Variants in POLE2 observed in about 807,000 individuals in gnomAD.
The protein encoded by POLE2 is DNA polymerase epsilon subunit 2.
Under a neutral mutation model 79.4 loss-of-function variants are expected in POLE2, and 56 were observed. That is an observed-to-expected ratio of 0.71 (90% CI 0.57 to 0.88). The LOEUF is 0.88. POLE2 is among the 40% of genes least tolerant of loss of function. The pLI is 0.00. For missense variants in POLE2, 598 were observed against 638.9 expected, an observed-to-expected ratio of 0.94 and a Z score of 0.69; for synonymous variants, 212 against 214.0, an observed-to-expected ratio of 0.99 and a Z score of 0.08.
At chr14:49,687,113 G>C (rs765820645) in intron 1 of POLE2, among the ~76,000 whole-genome samples, 3 of 151,764 alleles carry the variant, frequency 2.0e-5, no homozygotes, top group Non-Finnish European at 4.4e-5. Flanking sequence ...GCCAGACCCC[G>C]TCTCTAAAAA....
At chr14:49,667,552 CTTT>C (rs34430638) in intron 6 of POLE2, among the ~76,000 whole-genome samples, 3 of 141,406 alleles carry the variant, frequency 2.1e-5, no homozygotes, top group Non-Finnish European at 3.1e-5. Context: ...CAGATAGAAA[CTTT>C]TTTTTTTTTT....
chr14:49,661,509 G>A (rs1885097496), intron 10 of POLE2, among the ~76,000 whole-genome samples: 1 of 152,068 alleles, frequency 6.6e-6, no homozygotes, highest in African/African-American at 2.4e-5. Context: ...GCTAAATATT[G>A]AGAAATTAAA....
At chr14:49,662,437 C>T (rs1007681523) in intron 10 of POLE2, among the ~76,000 whole-genome samples, 2 of 152,170 alleles carry the variant, frequency 1.3e-5, no homozygotes, top group African/African-American at 2.4e-5. Context: ...GAAATCATCA[C>T]CATTATACAG....
At chr14:49,667,722 T>A (rs1307421985) in intron 6 of POLE2, among the ~76,000 whole-genome samples, 2 of 152,074 alleles carry the variant, frequency 1.3e-5, no homozygotes, top group Non-Finnish European at 2.9e-5. Context: ...AGATAATAAC[T>A]GTTGAATAAA....
rs145037095 is a variant in POLE2 at position 49,663,128 on chromosome 14, T to A, written c.755+187A>T. 3.5e-3 allele frequency among the ~76,000 whole-genome samples: 532 copies of A among 152,356 alleles called. 6 individuals are homozygous for A. The highest frequency in any genetic ancestry group is 6.4e-3 in the South Asian group (31 of 4,828). Reference sequence around the variant, plus strand: ...ACAAAGACGGTATTGCAACTAATTGTTGGCCAATCTGCTAGTTTTCACATT... The same window carrying A: ...ACAAAGACGGTATTGCAACTAATTGATGGCCAATCTGCTAGTTTTCACATT... On this transcript the variant is annotated intron_variant, in intron 10 of 18. Transcript: ENST00000216367.
chr14:49,677,750 C>T, intron 3 of POLE2: 4 of 1,335,298 alleles, frequency 3.0e-6, no homozygotes, highest in Non-Finnish European at 4.0e-6. Context: ...CCCACAAAGC[C>T]CCACGCATTC....
intron 10 of POLE2, 150 bp downstream of exon 10, chr14:49,663,165 C>T: frequency 2.6e-6 from 1 of 388,728 alleles, no homozygotes; most frequent in Non-Finnish European, 4.7e-6. Flanking sequence ...CATACAAAAC[C>T]CAGTCTTCTA....
At chr14:49,676,597 A>G (rs1335800319) in intron 3 of POLE2, among the ~76,000 whole-genome samples, 2 of 152,362 alleles carry the variant, frequency 1.3e-5, no homozygotes, top group Admixed American at 1.3e-4. Flanking sequence ...ACATATAAAC[A>G]GCCTGACAGA....
intron 17 of POLE2, among the ~76,000 whole-genome samples, chr14:49,649,433 A>C (rs1341687643): frequency 1.3e-5 from 2 of 148,272 alleles, no homozygotes; most frequent in East Asian, 2.0e-4. Flanking sequence ...GGCGTGAGCC[A>C]CCACACCCGG....
chr14:49,684,942 A>T (rs948587512), intron 1 of POLE2, among the ~76,000 whole-genome samples: 1 of 152,098 alleles, frequency 6.6e-6, no homozygotes. Flanking sequence ...GGGCCACTAC[A>T]CTCCAGCCTG....
intron 3 of POLE2, among the ~76,000 whole-genome samples, chr14:49,677,029 A>G (rs1192999624): frequency 6.6e-6 from 1 of 152,222 alleles, no homozygotes; most frequent in East Asian, 1.9e-4. Context: ...GTCATCATTG[A>G]CAATAGCTAT....
intron 3 of POLE2, among the ~76,000 whole-genome samples, chr14:49,677,141 C>T (rs916556264): frequency 6.6e-6 from 1 of 152,212 alleles, no homozygotes; most frequent in Admixed American, 6.5e-5. Context: ...TCCTGTGTCA[C>T]GAGCAGCAGG....
At chr14:49,676,945 A>G (rs577778967) in intron 3 of POLE2, among the ~76,000 whole-genome samples, 51 of 152,368 alleles carry the variant, frequency 3.3e-4, no homozygotes, top group African/African-American at 1.2e-3. Flanking sequence ...GCCCTTTGGC[A>G]GCCTCAGACA....
intron 10 of POLE2, among the ~76,000 whole-genome samples, chr14:49,657,978 G>T (rs1884819948): frequency 6.6e-6 from 1 of 152,090 alleles, no homozygotes; most frequent in Non-Finnish European, 1.5e-5. Flanking sequence ...TGCCAGAGGT[G>T]AGATTCAAAT....
At chr14:49,669,469 C>T (rs1594595108) in intron 6 of POLE2, 55 bp downstream of exon 6, 2 of 853,668 alleles carry the variant, frequency 2.3e-6, no homozygotes, top group Non-Finnish European at 3.9e-6. Flanking sequence ...AATTAAGCAA[C>T]AAATATTAAA....
In POLE2 at chr14:49,684,276, C is replaced by T. The variant is rs577117063; in HGVS notation, c.69-583G>A. On this transcript the variant is annotated intron_variant, in intron 1 of 18. Coordinates refer to ENST00000216367, the MANE Select transcript of POLE2 (RefSeq NM_002692.4). ...AGGAGATCAAGACCATTCTGGCTAA[C>T]ACACGATGAAACCCCGTCTCTACTA... 5.9e-5 allele frequency among the ~76,000 whole-genome samples: 9 copies of T among 151,858 alleles called. No individual in the cohort carries two copies. The South Asian group carries it at 1.9e-3, about 32-fold the overall frequency.
At position 49,686,163 on chromosome 14, in the gene POLE2, G is replaced by T. The variant is rs1371094693; in HGVS notation, c.68+1973C>A. On this transcript the variant is annotated intron_variant, in intron 1 of 18. Transcript: ENST00000216367. ...GGTAGTTACACCTATGTAATCCCCT[G>T]CCCTTAAGTGTGGGCTGGACCTAGT... Among the ~76,000 whole-genome samples the T allele has an allele frequency of 2.6e-5, 4 of 152,204 alleles. No individual in the cohort carries two copies. The East Asian group carries it at 5.8e-4, about 22-fold the overall frequency.
chr14:49,670,801 C>T (rs1270634038), intron 5 of POLE2, among the ~76,000 whole-genome samples: 2 of 152,176 alleles, frequency 1.3e-5, no homozygotes. Flanking sequence ...ACAGATGCCT[C>T]CTGATATTGT....
At chr14:49,648,196 G>T (rs1327685780) in intron 17 of POLE2, among the ~76,000 whole-genome samples, 1 of 152,206 alleles carries the variant, frequency 6.6e-6, no homozygotes, top group Non-Finnish European at 1.5e-5. Flanking sequence ...CTGAGCAGAG[G>T]CCCTGTCTTT....
Sources: allele counts gnomAD v4.1 joint callset (sites outside exome capture counted in the v4.1 genomes callset), GRCh38; gene constraint gnomAD v4.1.1; transcripts MANE v1.5; gene names NCBI Gene and HGNC (gene_info 2026-07-23, HGNC 2026-07-21).